CDC42: variants seen among roughly 807,000 people sequenced by gnomAD.
CDC42 encodes cell division control protein 42 homolog.
In CDC42, 1 loss-of-function variant was observed where a neutral mutation model predicts 20.8. The observed-to-expected ratio is 0.05, with a 90% CI of 0.02 to 0.23. The LOEUF (loss-of-function observed/expected upper bound fraction) is 0.23, where lower values mean the gene tolerates loss of function less well. Ranked by LOEUF, CDC42 falls within the 10% of genes least tolerant of loss-of-function variation. The pLI is 1.00. For synonymous variants in CDC42, 72 were observed against 84.8 expected, an observed-to-expected ratio of 0.85 and a Z score of 0.83; for missense variants, 49 against 227.9, an observed-to-expected ratio of 0.21 and a Z score of 5.05.
intron 1 of CDC42, among the ~76,000 whole-genome samples, chr1:22,071,774 T>C (rs1325317677): frequency 6.6e-6 from 1 of 152,190 alleles, no homozygotes; most frequent in African/African-American, 2.4e-5. Context: ...AGTATGAAAA[T>C]GGGTTACTTC....
rs147081568 is a variant in CDC42, at chr1:22,093,542, A to T, written c.*2025A>T. 8.1e-4 allele frequency among the ~76,000 whole-genome samples: 123 copies of T among 152,292 alleles called. No homozygotes were observed. The highest frequency in any genetic ancestry group is 3.4e-3 in the Middle Eastern group (1 of 294). ...TGCATGAGAATCTTAGAAACTAAGA[A>T]CCCTTAAAATCAGTTAAGGTTGGTA... On this transcript the variant is annotated 3_prime_UTR_variant, in exon 6 of 6. Transcript: ENST00000656825.
chr1:22,068,005 C>T lies in CDC42; in HGVS notation c.-50-10424C>T, dbSNP rs1296656290. On this transcript the variant is annotated intron_variant, in intron 1 of 5. Coordinates refer to ENST00000656825, the MANE Select transcript of CDC42 (RefSeq NM_001791.4). The stretch of plus-strand genomic sequence containing the variant: ...CTGAGATGGGAGGATCCCTTGAGCC[C>T]AGGAAGGTTGACGCTGCAGTGAGCT... Among the ~76,000 whole-genome samples the T allele has an allele frequency of 3.3e-5, 5 of 152,026 alleles. No individual in the cohort carries two copies. In the East Asian group the frequency reaches 9.6e-4, roughly 29 times the overall value.
chr1:22,090,860 G>C, intron 5 of CDC42: 3 of 950,902 alleles, frequency 3.2e-6, no homozygotes, highest in Non-Finnish European at 3.8e-6. Context: ...TTTTACGTAT[G>C]TATCAGGTAC....
Position 22,078,448 on chromosome 1 carries a change from T to C in CDC42, c.-31T>C, listed in dbSNP as rs1268361732. 2 of 1,479,152 alleles carry C rather than the reference T, an allele frequency of 1.4e-6. No homozygotes were observed. The highest frequency in any genetic ancestry group is 1.9e-6 in the Non-Finnish European group (2 of 1,069,004). The allele number at this position is 1,479,152 out of a possible 1,614,324, so 91.6% of individuals were successfully genotyped here. A position where few individuals can be genotyped will look rare whatever the true frequency, so the allele number is the denominator to read the frequency against. ...TTGCAGGTCATCATCAGATTTGAAATATTTAAAGTGGATACAAAACTATTT... is the reference window on the plus strand; with the variant it reads ...TTGCAGGTCATCATCAGATTTGAAACATTTAAAGTGGATACAAAACTATTT... On this transcript the variant is annotated 5_prime_UTR_variant, in exon 2 of 6. Coordinates refer to ENST00000656825, the MANE Select transcript of CDC42 (RefSeq NM_001791.4).
rs1449518591 is a variant in CDC42 at position 22,071,635 on chromosome 1, A to T, written c.-50-6794A>T. Among the ~76,000 whole-genome samples, 4 of 152,196 alleles carry T rather than the reference A, an allele frequency of 2.6e-5. No homozygotes were observed. In the East Asian group the frequency reaches 5.8e-4, roughly 22 times the overall value. The stretch of plus-strand genomic sequence containing the variant: ...AAAGTGGCTGGATTTGACAGGAGAG[A>T]CAAGTAGTTTTGATTTTATTCTGTT... On this transcript the variant is annotated intron_variant, in intron 1 of 5. Coordinates refer to ENST00000656825, the MANE Select transcript of CDC42 (RefSeq NM_001791.4).
chr1:22,076,827 T>C (rs1169419726), intron 1 of CDC42, among the ~76,000 whole-genome samples: 2 of 151,890 alleles, frequency 1.3e-5, no homozygotes, highest in Admixed American at 1.3e-4. Context: ...AAAGGAGATA[T>C]AAAAGGAAGT....
chr1:22,061,433 C>G (rs1158728043), intron 1 of CDC42, among the ~76,000 whole-genome samples: 1 of 147,894 alleles, frequency 6.8e-6, no homozygotes, highest in Non-Finnish European at 1.5e-5. Context: ...AAAAGAAACC[C>G]TTTATTATAT....
intron 1 of CDC42, chr1:22,053,437 G>C (rs1296527316): frequency 1.3e-5 from 2 of 152,198 alleles, no homozygotes; most frequent in African/African-American, 4.8e-5. Context: ...TTCGGAGGTC[G>C]AGTTCCTAGC....
chr1:22,054,922 T>TATATATATATATATATATATATA (rs1557890193), intron 1 of CDC42, among the ~76,000 whole-genome samples: 1 of 7,788 alleles, frequency 1.3e-4, no homozygotes, highest in Non-Finnish European at 2.1e-4. Flanking sequence ...TATATATATA[T>TATATATATATATATATATATATA]TTTTTTTTTT....
At chr1:22,062,903 A>G (rs1645382572) in intron 1 of CDC42, among the ~76,000 whole-genome samples, 1 of 152,044 alleles carries the variant, frequency 6.6e-6, no homozygotes, top group Admixed American at 6.6e-5. Flanking sequence ...CTATGCTACT[A>G]CCGCAGGGCA....
In CDC42 at chr1:22,094,197, C is replaced by A. The variant is rs1033462824; in HGVS notation, c.*2680C>A. On this transcript the variant is annotated 3_prime_UTR_variant, in exon 6 of 6. Transcript: ENST00000656825. ...CTGGAAAGGGTTATTGAAAATAGTC[C>A]TTACAGGCTTAGTTTGTGTCAGAAT... 6.6e-6 allele frequency among the ~76,000 whole-genome samples: 1 copy of A among 151,234 alleles called. No individual in the cohort carries two copies. Among genetic ancestry groups the A allele is most frequent in the Non-Finnish European group, 1.5e-5 (1 of 67,936 alleles).
At chr1:22,070,692 T>C (rs137974775) in intron 1 of CDC42, among the ~76,000 whole-genome samples, 1,674 of 151,920 alleles carry the variant, frequency 0.011, 29 homozygotes, top group African/African-American at 0.038. Context: ...TCTTGATCTC[T>C]TGACCTCGTG....
intron 1 of CDC42, among the ~76,000 whole-genome samples, chr1:22,074,377 A>G (rs1270926977): frequency 1.3e-5 from 2 of 152,202 alleles, no homozygotes; most frequent in Non-Finnish European, 2.9e-5. Context: ...TGCCCAGCGC[A>G]GAATAACTTT....
chr1:22,065,883 C>T (rs1009014372), intron 1 of CDC42, among the ~76,000 whole-genome samples: 4 of 152,052 alleles, frequency 2.6e-5, no homozygotes, highest in South Asian at 2.1e-4. Flanking sequence ...CTCAGCCTCC[C>T]GAGTAGCTGG....
intron 1 of CDC42, among the ~76,000 whole-genome samples, chr1:22,067,154 T>C (rs1413285961): frequency 6.6e-6 from 1 of 152,142 alleles, no homozygotes; most frequent in Non-Finnish European, 1.5e-5. Context: ...GGCCTTGCCA[T>C]GGGTTCTGTT....
chr1:22,096,173 C>G lies in CDC42; in HGVS notation c.*4656C>G, dbSNP rs145645530. On this transcript the variant is annotated 3_prime_UTR_variant, in exon 6 of 6. Coordinates refer to ENST00000656825, the MANE Select transcript of CDC42 (RefSeq NM_001791.4). ...ACTGGGTGTCACTATGTTGGCCAGA[C>G]AGATCTCAAACTCCTGACCTCCTGA... Among the ~76,000 whole-genome samples, 216 of 151,688 alleles carry G rather than the reference C, an allele frequency of 1.4e-3. 6 individuals are homozygous for G. The East Asian group carries it at 0.041, about 28-fold the overall frequency.
intron 1 of CDC42, among the ~76,000 whole-genome samples, chr1:22,062,728 T>G (rs1235569660): frequency 4.3e-4 from 19 of 44,430 alleles, no homozygotes; most frequent in African/African-American, 1.9e-3. Flanking sequence ...CGTGGCTCTA[T>G]TTAAAAAAAA....
At chr1:22,075,825 A>T (rs1396040620) in intron 1 of CDC42, among the ~76,000 whole-genome samples, 1 of 152,230 alleles carries the variant, frequency 6.6e-6, no homozygotes, top group Admixed American at 6.5e-5. Flanking sequence ...TCCAGAACCC[A>T]GGCTTAACAG....
intron 1 of CDC42, among the ~76,000 whole-genome samples, chr1:22,058,794 C>G (rs1569956216): frequency 1.3e-5 from 2 of 151,990 alleles, no homozygotes; most frequent in Middle Eastern, 3.4e-3. Flanking sequence ...CCACCGCACC[C>G]AGCCGAATTA....
Sources: gnomAD v4.1 joint callset for allele counts (sites outside exome capture counted in the v4.1 genomes callset) on GRCh38, gnomAD v4.1.1 for gene constraint, MANE v1.5 for transcripts, NCBI Gene and HGNC (gene_info 2026-07-23, HGNC 2026-07-21) for gene names.